AFF3: variants seen among roughly 807,000 people sequenced by gnomAD.
AFF3 encodes the protein ALF transcription elongation factor 3.
AFF3 carries 32 observed loss-of-function variants against 129.7 expected under a neutral mutation model. The ratio of observed to expected loss-of-function variants is 0.25; its 90% CI spans 0.19 to 0.33. The LOEUF is 0.33. Ranked by LOEUF, AFF3 falls within the 10% of genes least tolerant of loss-of-function variation. AFF3 has a pLI of 1.00. For synonymous variants in AFF3, 644 were observed against 635.4 expected (o/e 1.01, Z -0.20); for missense variants, 1,373 against 1,592.0 (o/e 0.86, Z 2.34).
intron 7 of AFF3, among the ~76,000 whole-genome samples, chr2:99,908,174 T>C (rs1694854031): frequency 6.6e-6 from 1 of 152,176 alleles, no homozygotes; most frequent in South Asian, 2.1e-4. Context: ...TTTTCACTCA[T>C]GTCATTGATC....
chr2:99,816,274 C>T (rs189431068), intron 8 of AFF3, among the ~76,000 whole-genome samples: 221 of 152,300 alleles, frequency 1.5e-3, no homozygotes, highest in Middle Eastern at 3.4e-3. Flanking sequence ...TCCATAAGAG[C>T]CATTAACATA....
intron 4 of AFF3, among the ~76,000 whole-genome samples, chr2:100,051,608 ATGGC>A (rs1483464957): frequency 6.6e-6 from 1 of 152,252 alleles, no homozygotes; most frequent in African/African-American, 2.4e-5. Context: ...AAAAACCAGC[ATGGC>A]TCACATTTCT....
At chr2:99,569,631 C>T (rs1676295505) in intron 18 of AFF3, among the ~76,000 whole-genome samples, 1 of 152,102 alleles carries the variant, frequency 6.6e-6, no homozygotes, top group South Asian at 2.1e-4. Flanking sequence ...GTAACTCATC[C>T]AGAGACTGAT....
At chr2:99,596,187 C>G (rs573899187) in intron 14 of AFF3, among the ~76,000 whole-genome samples, 1 of 152,178 alleles carries the variant, frequency 6.6e-6, no homozygotes, top group Non-Finnish European at 1.5e-5. Context: ...GGTTTTTGTA[C>G]CTCTGAGTTC....
chr2:99,885,165 T>C (rs1466982965), intron 7 of AFF3, among the ~76,000 whole-genome samples: 4 of 152,162 alleles, frequency 2.6e-5, no homozygotes, highest in Non-Finnish European at 5.9e-5. Flanking sequence ...TTTGGGCAAT[T>C]TCTTCTGAAC....
chr2:100,013,838 G>A (rs1006751923), intron 4 of AFF3, among the ~76,000 whole-genome samples: 20 of 152,152 alleles, frequency 1.3e-4, no homozygotes, highest in Non-Finnish European at 2.8e-4. Flanking sequence ...TTGTGGAATG[G>A]AAGATAGAGA....
At chr2:99,672,405 G>C (rs1687246009) in intron 12 of AFF3, 133 bp downstream of exon 12, 3 of 757,738 alleles carry the variant, frequency 4.0e-6, no homozygotes, top group Non-Finnish European at 6.7e-6. Context: ...CTGCATAGAA[G>C]CTCACACTTA....
At chr2:99,739,817 T>G (rs1237548039) in intron 10 of AFF3, among the ~76,000 whole-genome samples, 1 of 152,038 alleles carries the variant, frequency 6.6e-6, no homozygotes, top group East Asian at 1.9e-4. Flanking sequence ...AATTTTTATT[T>G]TATTATTATT....
chr2:99,924,877 ATTT>A (rs113424483), intron 7 of AFF3, among the ~76,000 whole-genome samples: 2 of 144,382 alleles, frequency 1.4e-5, no homozygotes. Context: ...TGATTTATTA[ATTT>A]TTTTTTTTTT....
chr2:99,721,446 T>C (rs1257263022), intron 11 of AFF3, among the ~76,000 whole-genome samples: 1 of 151,716 alleles, frequency 6.6e-6, no homozygotes, highest in Admixed American at 6.6e-5. Context: ...GGACAATCGC[T>C]TGAACCTGGG....
intron 7 of AFF3, among the ~76,000 whole-genome samples, chr2:99,954,171 TG>T (rs1559006512): frequency 6.6e-6 from 1 of 152,026 alleles, no homozygotes; most frequent in Non-Finnish European, 1.5e-5. Context: ...GATGTGTTTT[TG>T]TATACCTTTA....
At chr2:100,050,421 G>A (rs1032699142) in intron 4 of AFF3, among the ~76,000 whole-genome samples, 3 of 151,964 alleles carry the variant, frequency 2.0e-5, no homozygotes, top group Non-Finnish European at 2.9e-5. Context: ...GCTCACTGCC[G>A]TCTTGCAGTT....
intron 2 of AFF3, among the ~76,000 whole-genome samples, chr2:100,128,593 G>A (rs933780028): frequency 6.6e-6 from 1 of 152,180 alleles, no homozygotes; most frequent in Non-Finnish European, 1.5e-5. Flanking sequence ...TTGGCCCCAA[G>A]GAGGCTTTGA....
chr2:99,830,773 AAGAC>A (rs1223091885), intron 8 of AFF3, among the ~76,000 whole-genome samples: 16 of 152,158 alleles, frequency 1.1e-4, no homozygotes, highest in Admixed American at 9.2e-4. Context: ...AAATAAAACA[AAGAC>A]AATCACAACA....
At chr2:99,791,963 G>T (rs1015128127) in intron 8 of AFF3, among the ~76,000 whole-genome samples, 7 of 151,908 alleles carry the variant, frequency 4.6e-5, no homozygotes, top group Non-Finnish European at 7.4e-5. Flanking sequence ...CTTCATTTGG[G>T]CATGGGTTAT....
rs192109788 is a variant in AFF3, at chr2:99,703,868, T to C, written c.1091+23209A>G. 1.7e-3 allele frequency among the ~76,000 whole-genome samples: 262 copies of C among 152,292 alleles called. 1 individual carries two copies. The highest frequency in any genetic ancestry group is 2.2e-3 in the Non-Finnish European group (149 of 68,018). On this transcript the variant is annotated intron_variant, in intron 11 of 24. Coordinates refer to ENST00000672756, the MANE Select transcript of AFF3 (RefSeq NM_001386135.1). ...GAGTCACTGCAACTGGCCTTGAACATTTCTTAGAGTTGCATTTTGATTTAC... is the reference window on the plus strand; with the variant it reads ...GAGTCACTGCAACTGGCCTTGAACACTTCTTAGAGTTGCATTTTGATTTAC...
At chr2:99,828,191 G>A (rs901438484) in intron 8 of AFF3, among the ~76,000 whole-genome samples, 1 of 152,180 alleles carries the variant, frequency 6.6e-6, no homozygotes, top group African/African-American at 2.4e-5. Context: ...GTGTCTTAAA[G>A]GTTCCTGAGG....
At chr2:99,928,934 C>T (rs191708212) in intron 7 of AFF3, among the ~76,000 whole-genome samples, 56 of 152,200 alleles carry the variant, frequency 3.7e-4, no homozygotes, top group African/African-American at 1.2e-3. Context: ...CAGCAGTGTG[C>T]GACTCACACA....
chr2:99,778,887 TGTGTGTGCGC>T (rs1213718240), intron 8 of AFF3, among the ~76,000 whole-genome samples: 30 of 40,376 alleles, frequency 7.4e-4, no homozygotes, highest in South Asian at 1.9e-3. Context: ...TGTGTGTGTG[TGTGTGTGCGC>T]GTGTGTGTGT....
Sources: gnomAD v4.1 joint callset for allele counts (sites outside exome capture counted in the v4.1 genomes callset) on GRCh38, gnomAD v4.1.1 for gene constraint, MANE v1.5 for transcripts, NCBI Gene and HGNC (gene_info 2026-07-23, HGNC 2026-07-21) for gene names.